Variants in KLF12 observed in about 807,000 individuals in gnomAD.
The protein encoded by KLF12 is KLF transcription factor 12, also known as Krueppel-like factor 12.
A neutral mutation model predicts 37.8 loss-of-function variants in KLF12; 9 were observed. The ratio of observed to expected loss-of-function variants is 0.24; its 90% confidence interval spans 0.14 to 0.42. KLF12 has a LOEUF of 0.42. Ranked by LOEUF, KLF12 falls within the 10% of genes least tolerant of loss-of-function variation. The pLI is 1.00. For synonymous variants in KLF12, 208 were observed against 202.1 expected, an observed-to-expected ratio of 1.03 and a Z score of -0.25; for missense variants, 411 against 516.0, an observed-to-expected ratio of 0.80 and a Z score of 1.97.
At chr13:73,866,662 T>C (rs1886191650) in intron 3 of KLF12, among the ~76,000 whole-genome samples, 1 of 152,068 alleles carries the variant, frequency 6.6e-6, no homozygotes, top group Admixed American at 6.6e-5. Flanking sequence ...AAACAGAGCA[T>C]TCATGGCTAA....
intron 6 of KLF12, among the ~76,000 whole-genome samples, chr13:73,759,479 T>A (rs955406540): frequency 6.6e-6 from 1 of 152,154 alleles, no homozygotes; most frequent in Non-Finnish European, 1.5e-5. Context: ...AGGAGCAACG[T>A]CTTCATTAAG....
At chr13:74,202,914 G>C in the KLF12 span, among the ~76,000 whole-genome samples, 5 of 152,228 alleles carry the variant, frequency 3.3e-5, no homozygotes, top group South Asian at 8.3e-4. Context: ...GGTGGGTGCA[G>C]TAGGCAGCAA....
At chr13:74,284,817 G>C in the KLF12 span, among the ~76,000 whole-genome samples, 1 of 152,138 alleles carries the variant, frequency 6.6e-6, no homozygotes, top group African/African-American at 2.4e-5. Flanking sequence ...TGAAAATTAT[G>C]GGCATTGTAG....
At chr13:73,738,762 T>C (rs1332142602) in intron 6 of KLF12, among the ~76,000 whole-genome samples, 2 of 152,282 alleles carry the variant, frequency 1.3e-5, no homozygotes, top group East Asian at 1.9e-4. Flanking sequence ...GTGATTTTCA[T>C]ACAACTTCCA....
chr13:74,255,782 T>A, the KLF12 span, among the ~76,000 whole-genome samples: 2 of 152,142 alleles, frequency 1.3e-5, no homozygotes, highest in African/African-American at 4.8e-5. Flanking sequence ...TTCCATAAAA[T>A]TCAAATAAAA....
chr13:74,063,260 A>G (rs1007002111), intron 1 of KLF12, among the ~76,000 whole-genome samples: 1 of 151,978 alleles, frequency 6.6e-6, no homozygotes, highest in African/African-American at 2.4e-5. Context: ...TTTCATTTTG[A>G]CTCTGGAAGA....
intron 4 of KLF12, among the ~76,000 whole-genome samples, chr13:73,814,964 T>C (rs1883136535): frequency 6.6e-6 from 1 of 151,956 alleles, no homozygotes; most frequent in African/African-American, 2.4e-5. Flanking sequence ...TCAGTTCCTA[T>C]GCAACTATGC....
chr13:74,050,960 A>G (rs1163995207), intron 1 of KLF12, among the ~76,000 whole-genome samples: 8 of 152,208 alleles, frequency 5.3e-5, no homozygotes, highest in Admixed American at 5.2e-4. Flanking sequence ...ACTAATTATC[A>G]GGGAAGTGCA....
chr13:73,732,785 G>A (rs565252016), intron 6 of KLF12, among the ~76,000 whole-genome samples: 12 of 152,008 alleles, frequency 7.9e-5, no homozygotes, highest in Non-Finnish European at 1.5e-4. Flanking sequence ...CTCCAGACTC[G>A]TATATCTTTT....
At chr13:74,225,134 TA>T in the KLF12 span, among the ~76,000 whole-genome samples, 3 of 152,106 alleles carry the variant, frequency 2.0e-5, no homozygotes, top group African/African-American at 7.2e-5. Context: ...CATACTCAGA[TA>T]CAGGAATGTT....
At chr13:74,007,566 C>T (rs921095320) in intron 1 of KLF12, among the ~76,000 whole-genome samples, 3 of 152,156 alleles carry the variant, frequency 2.0e-5, no homozygotes, top group African/African-American at 7.2e-5. Flanking sequence ...TGAGCCACCG[C>T]GGCCGGCCAA....
the KLF12 span, among the ~76,000 whole-genome samples, chr13:74,174,469 G>T: frequency 6.6e-6 from 1 of 151,316 alleles, no homozygotes; most frequent in African/African-American, 2.4e-5. Context: ...CTCCATCTCC[G>T]ACCTCATGAT....
the KLF12 span, among the ~76,000 whole-genome samples, chr13:74,202,712 C>G: frequency 1.3e-5 from 2 of 152,116 alleles, no homozygotes; most frequent in Admixed American, 6.6e-5. Flanking sequence ...CATTCCATAT[C>G]CAAATTATGG....
intron 6 of KLF12, among the ~76,000 whole-genome samples, chr13:73,728,538 C>T (rs551792730): frequency 6.6e-6 from 1 of 152,290 alleles, no homozygotes; most frequent in East Asian, 1.9e-4. Context: ...CAGTCTTCTA[C>T]CATTAAGTAT....
chr13:74,165,765 C>T, the KLF12 span, among the ~76,000 whole-genome samples: 1 of 152,228 alleles, frequency 6.6e-6, no homozygotes, highest in Non-Finnish European at 1.5e-5. Context: ...TTAGCTACAA[C>T]TCCTTCACAT....
intron 1 of KLF12, among the ~76,000 whole-genome samples, chr13:74,122,960 T>TTA (rs71199840): frequency 8.8e-6 from 1 of 113,890 alleles, no homozygotes; most frequent in Admixed American, 9.2e-5. Context: ...AACAGGTCAC[T>TTA]AAAAAAAAAA....
chr13:73,788,647 T>A (rs886556248), intron 5 of KLF12, among the ~76,000 whole-genome samples: 2 of 152,178 alleles, frequency 1.3e-5, no homozygotes, highest in Non-Finnish European at 2.9e-5. Flanking sequence ...CTAATTTTTT[T>A]TTTTTATTTT....
intron 1 of KLF12, among the ~76,000 whole-genome samples, chr13:73,997,507 C>A (rs142536316): frequency 7.9e-5 from 12 of 152,292 alleles, no homozygotes; most frequent in African/African-American, 2.9e-4. Flanking sequence ...CATGATAGAA[C>A]AGATACATCT....
At chr13:74,001,249 G>C (rs1892273909) in intron 1 of KLF12, among the ~76,000 whole-genome samples, 1 of 152,182 alleles carries the variant, frequency 6.6e-6, no homozygotes. Context: ...GCTGGTGGAA[G>C]GAAGGGAAGA....
Sources: allele counts gnomAD v4.1 joint callset (sites outside exome capture counted in the v4.1 genomes callset), GRCh38; gene constraint gnomAD v4.1.1; transcripts MANE v1.5; gene names NCBI Gene and HGNC (gene_info 2026-07-23, HGNC 2026-07-21).